SURF4: variants seen among roughly 807,000 people sequenced by gnomAD.
SURF4 encodes surfeit locus protein 4.
Under a neutral mutation model 30.0 loss-of-function variants are expected in SURF4, and 3 were observed. That is an observed-to-expected ratio of 0.10 (90% CI 0.05 to 0.26). SURF4 has a LOEUF of 0.26. Among genes scored for constraint, SURF4 ranks in the 10% least tolerant of loss-of-function variants. SURF4 has a pLI of 1.00. For synonymous variants in SURF4, 143 were observed against 139.9 expected, an observed-to-expected ratio of 1.02 and a Z score of -0.16; for missense variants, 217 against 350.8, an observed-to-expected ratio of 0.62 and a Z score of 3.05.
chr9:133,370,738 A>T (rs1452168632), intron 1 of SURF4: 2 of 574,118 alleles, frequency 3.5e-6, no homozygotes, highest in Non-Finnish European at 5.8e-6. Context: ...TAGCCAGCAC[A>T]CAGGTGACCT....
chr9:133,368,005 C>T (rs903604581), intron 1 of SURF4, among the ~76,000 whole-genome samples: 4 of 152,258 alleles, frequency 2.6e-5, no homozygotes, highest in African/African-American at 9.6e-5. Context: ...ATGCCAGCAG[C>T]AGCCTCCCTC....
upstream of SURF4, among the ~76,000 whole-genome samples, chr9:133,377,481 C>T (rs2130254452): frequency 6.6e-6 from 1 of 152,274 alleles, no homozygotes; most frequent in African/African-American, 2.4e-5. Flanking sequence ...GCCTGACCAA[C>T]ATGGAGAAAC....
chr9:133,372,892 C>T (rs966532588), intron 1 of SURF4, among the ~76,000 whole-genome samples: 11 of 152,132 alleles, frequency 7.2e-5, no homozygotes, highest in Non-Finnish European at 1.6e-4. Context: ...GGGGTTTGGG[C>T]GAGTACAAGT....
chr9:133,368,983 T>C (rs1013762382), intron 1 of SURF4, among the ~76,000 whole-genome samples: 2 of 152,210 alleles, frequency 1.3e-5, no homozygotes, highest in Non-Finnish European at 2.9e-5. Context: ...AAGGAAGATA[T>C]GCGTGTTTCT....
Position 133,363,209 on chromosome 9 carries a change from C to G in SURF4, c.*284G>C. On this transcript the variant is annotated 3_prime_UTR_variant, in exon 6 of 6. Coordinates refer to ENST00000371989, the MANE Select transcript of SURF4 (RefSeq NM_033161.4). The surrounding 1 kb of genome is among the most constrained non-coding windows in gnomAD (Gnocchi z 4.3). ...AAAACTCAAAAATAGGACTGAGATG[C>G]CACAGCCAAGCGGGCTGTTCACTCC... 1.6e-6 allele frequency: 1 copy of G among 616,592 alleles called. No individual in the cohort carries two copies. The highest frequency in any genetic ancestry group is 2.9e-6 in the Non-Finnish European group (1 of 344,894). The allele number at this position is 616,592 out of a possible 1,614,324, so 38.2% of individuals were successfully genotyped here.
In SURF4 at chr9:133,363,558, A is replaced by G; in HGVS notation, c.745T>C (p.Leu249=). The G allele has an allele frequency of 2.5e-6, 4 of 1,614,204 alleles. No homozygotes were observed. Among genetic ancestry groups the G allele is most frequent in the Non-Finnish European group, 3.4e-6 (4 of 1,180,038 alleles). ...FFQTMSVIGG[L]LLVVALGPGG... ...GGGCCCAGGGCCACCACCAGGAGCA[A>G]GCCCCCAATCACCGACATGGTCTGG... The change falls in exon 6 of 6, where the codon TTG becomes CTG. Residue 249 remains leucine, a synonymous_variant. Transcript: ENST00000371989. This position sits in a 1 kb window ranked among gnomAD's most constrained non-coding sequence, Gnocchi z 4.3.
At chr9:133,373,130 G>A (rs1000672464) in intron 1 of SURF4, among the ~76,000 whole-genome samples, 11 of 152,208 alleles carry the variant, frequency 7.2e-5, no homozygotes, top group African/African-American at 2.7e-4. Context: ...GCAACACCAG[G>A]GGCTGGGGGC....
Position 133,362,052 on chromosome 9 carries a change from T to C in SURF4, c.*1441A>G, listed in dbSNP as rs1219060337. 6.6e-6 allele frequency: 1 copy of C among 152,192 alleles called. No homozygotes were observed. Among genetic ancestry groups the C allele is most frequent in the Non-Finnish European group, 1.5e-5 (1 of 68,042 alleles). The allele number at this position is 152,192 out of a possible 1,614,324, so 9.4% of individuals were successfully genotyped here. On this transcript the variant is annotated 3_prime_UTR_variant, in exon 6 of 6. Transcript: ENST00000371989. ...ACCAGGGGAATATTTGCAAACGCGT[T>C]GGGACTAGTTCGGCTGTGTTAAAAA...
rs1836918465 is a variant in SURF4, at chr9:133,363,037, T to C, written c.*456A>G. On this transcript the variant is annotated 3_prime_UTR_variant, in exon 6 of 6. Coordinates refer to ENST00000371989, the MANE Select transcript of SURF4 (RefSeq NM_033161.4). The surrounding 1 kb of genome is among the most constrained non-coding windows in gnomAD (Gnocchi z 4.3). ...TTTTAAACCAGGGAGATTAACTGTT[T>C]TGAGGTTTGGCTGAACCACCCAAAA... 4 of 284,236 alleles carry C rather than the reference T, an allele frequency of 1.4e-5. No homozygotes were observed. Among genetic ancestry groups the C allele is most frequent in the Admixed American group, 9.9e-5 (2 of 20,152 alleles). The allele number at this position is 284,236 out of a possible 1,614,324, so 17.6% of individuals were successfully genotyped here. A position where few individuals can be genotyped will look rare whatever the true frequency, so the allele number is the denominator to read the frequency against.
Position 133,375,988 on chromosome 9 carries a change from GGCTCGGCTC to G in SURF4, c.-28_-20del. 8.2e-7 allele frequency: 1 copy of G among 1,224,976 alleles called. No individual in the cohort carries two copies. Among genetic ancestry groups the G allele is most frequent in the Non-Finnish European group, 1.0e-6 (1 of 980,932 alleles). The allele number at this position is 1,224,976 out of a possible 1,614,324, so 75.9% of individuals were successfully genotyped here. On this transcript the variant is annotated 5_prime_UTR_variant, in exon 1 of 6. Transcript: ENST00000371989. ...GGCCCATGGCGACGGCGGGAGGCTC[GGCTCGGCTC>G]GCTCGCTCGCTCGCTGGCTCTCGCC... is the stretch of plus-strand genomic sequence containing the variant.
chr9:133,368,326 C>T (rs2130157045), intron 1 of SURF4, among the ~76,000 whole-genome samples: 4 of 152,218 alleles, frequency 2.6e-5, no homozygotes, highest in South Asian at 4.1e-4. Flanking sequence ...TACAGTTATC[C>T]GAAAATCTCC....
intron 3 of SURF4, 93 bp downstream of exon 3, chr9:133,366,506 G>T (rs2130126521): frequency 3.2e-4 from 439 of 1,374,322 alleles, no homozygotes; most frequent in Non-Finnish European, 4.3e-4. Flanking sequence ...GGGGCTGAAG[G>T]GGGAGTGACA....
intron 1 of SURF4, chr9:133,375,180 G>A: frequency 3.1e-6 from 3 of 980,430 alleles, no homozygotes; most frequent in Non-Finnish European, 3.6e-6. Flanking sequence ...GTTCCCGAAT[G>A]CTCTCAACAG....
At chr9:133,376,071 C>T (rs1006559023), upstream of SURF4, 7 of 1,207,046 alleles carry the variant, frequency 5.8e-6, no homozygotes, top group Middle Eastern at 3.2e-4. Flanking sequence ...GCCCGGCGGC[C>T]GGCCTCGCTC....
At chr9:133,373,985 G>C (rs1315592778) in intron 1 of SURF4, among the ~76,000 whole-genome samples, 1 of 148,304 alleles carries the variant, frequency 6.7e-6, no homozygotes, top group East Asian at 2.0e-4. Context: ...TTTGTCAATA[G>C]GGGAGTCTGT....
Position 133,363,893 on chromosome 9 carries a change from C to CT in SURF4, c.544-135dup, listed in dbSNP as rs1284042283. The stretch of plus-strand genomic sequence containing the variant: ...GATGTAGCTACTGCTGAGACGGCTG[C>CT]TGGTGCAAGTAGGGAGATAAAAGCC... On this transcript the variant is annotated intron_variant, in intron 5 of 5. Coordinates refer to ENST00000371989, the MANE Select transcript of SURF4 (RefSeq NM_033161.4). This position sits in a 1 kb window ranked among gnomAD's most constrained non-coding sequence, Gnocchi z 4.3. The CT allele has an allele frequency of 4.4e-6, 5 of 1,136,632 alleles. No individual in the cohort carries two copies. The highest frequency in any genetic ancestry group is 6.5e-6 in the Non-Finnish European group (5 of 766,200). 70.4% of individuals were successfully genotyped at this position (1,136,632 alleles called of 1,614,324 possible).
At chr9:133,367,582 C>T in intron 1 of SURF4, 137 bp from the exon 2 acceptor site, 1 of 1,530,404 alleles carries the variant, frequency 6.5e-7, no homozygotes, top group Non-Finnish European at 8.7e-7. Context: ...CCGGTGCCTT[C>T]CCAGGGCAGA....
chr9:133,371,146 G>A (rs1837482970), intron 1 of SURF4: 4 of 985,136 alleles, frequency 4.1e-6, no homozygotes, highest in Non-Finnish European at 4.8e-6. Context: ...TCACACTCAG[G>A]ACAGAAAGAA....
At position 133,362,439 on chromosome 9, in the gene SURF4, CTGAG is replaced by C. The variant is rs1461627527; in HGVS notation, c.*1050_*1053del. The C allele has an allele frequency of 2.6e-5, 4 of 152,670 alleles. No individual in the cohort carries two copies. The highest frequency in any genetic ancestry group is 2.6e-4 in the Admixed American group (4 of 15,286). 9.5% of individuals were successfully genotyped at this position (152,670 alleles called of 1,614,324 possible). A position where few individuals can be genotyped will look rare whatever the true frequency, so the allele number is the denominator to read the frequency against. On this transcript the variant is annotated 3_prime_UTR_variant, in exon 6 of 6. Coordinates refer to ENST00000371989, the MANE Select transcript of SURF4 (RefSeq NM_033161.4). The stretch of plus-strand genomic sequence containing the variant: ...GCATTCGGCATAGCAAACGGACAAT[CTGAG>C]TGAGCGACAGCCTCAGGAAAGTGGT...
Sources: allele counts gnomAD v4.1 joint callset (sites outside exome capture counted in the v4.1 genomes callset), GRCh38; gene constraint gnomAD v4.1.1; non-coding constraint Gnocchi (gnomAD v3.1); transcripts MANE v1.5; gene names NCBI Gene and HGNC (gene_info 2026-07-23, HGNC 2026-07-21).